Variants in TCF4 observed in about 807,000 individuals in gnomAD.
TCF4 encodes the protein transcription factor 4.
A neutral mutation model predicts 82.1 loss-of-function variants in TCF4; 3 were observed. The ratio of observed to expected loss-of-function variants is 0.04; its 90% CI spans 0.02 to 0.09. The LOEUF is 0.09. TCF4 is among the 10% of genes least tolerant of loss of function. TCF4 has a pLI of 1.00. For missense variants in TCF4, 518 were observed against 852.7 expected (o/e 0.61, Z 4.89); for synonymous variants, 276 against 309.6 (o/e 0.89, Z 1.14).
chr18:55,487,833 T>C (rs992717345), intron 3 of TCF4, among the ~76,000 whole-genome samples: 44 of 152,212 alleles, frequency 2.9e-4, no homozygotes, highest in African/African-American at 1.1e-3. Context: ...CTTGACTACC[T>C]GATATATAGT....
At chr18:55,549,625 C>T (rs1021171481) in intron 3 of TCF4, among the ~76,000 whole-genome samples, 3 of 152,152 alleles carry the variant, frequency 2.0e-5, no homozygotes, top group Non-Finnish European at 2.9e-5. Context: ...AACAGCATGG[C>T]GCTGTCAGGG....
At chr18:55,234,354 A>G in intron 16 of TCF4, 194 bp downstream of exon 16, 1 of 732,238 alleles carries the variant, frequency 1.4e-6, no homozygotes, top group South Asian at 1.9e-5. Flanking sequence ...ATGTTTGAGG[A>G]AAACAGTCCC....
intron 1 of TCF4, chr18:55,631,524 G>A (rs764355176): frequency 1.6e-5 from 12 of 763,730 alleles, no homozygotes; most frequent in South Asian, 2.2e-5. Context: ...GAAGACAAGT[G>A]CACAGAAACT....
At chr18:55,420,209 G>T (rs1029618586) in intron 5 of TCF4, among the ~76,000 whole-genome samples, 1 of 152,060 alleles carries the variant, frequency 6.6e-6, no homozygotes, top group East Asian at 1.9e-4. Flanking sequence ...TTTCAAAAAC[G>T]TTTCCCTAAA....
intron 3 of TCF4, among the ~76,000 whole-genome samples, chr18:55,530,319 AG>A (rs2097045874): frequency 6.6e-6 from 1 of 152,120 alleles, no homozygotes; most frequent in Non-Finnish European, 1.5e-5. Context: ...TAGAAAGAGT[AG>A]GGGGTTGGGA....
intron 8 of TCF4, among the ~76,000 whole-genome samples, chr18:55,344,704 G>T (rs2080782878): frequency 6.6e-6 from 1 of 152,074 alleles, no homozygotes; most frequent in Non-Finnish European, 1.5e-5. Context: ...ACACATTGGA[G>T]AGTAGGAAGA....
chr18:55,307,766 G>A (rs2070858490), intron 8 of TCF4, among the ~76,000 whole-genome samples: 1 of 152,150 alleles, frequency 6.6e-6, no homozygotes, highest in African/African-American at 2.4e-5. Flanking sequence ...CAAAATGATG[G>A]CTTACATATA....
intron 2 of TCF4, among the ~76,000 whole-genome samples, chr18:55,618,211 G>T (rs2097714117): frequency 6.6e-6 from 1 of 151,910 alleles, no homozygotes; most frequent in South Asian, 2.1e-4. Context: ...TTCATCTATT[G>T]AAATGATGAT....
At chr18:55,233,709 CCTGGGAGG>C (rs1043164016) in intron 16 of TCF4, among the ~76,000 whole-genome samples, 4 of 151,624 alleles carry the variant, frequency 2.6e-5, no homozygotes, top group East Asian at 1.9e-4. Flanking sequence ...CTAGCTACCC[CCTGGGAGG>C]CTGAGGCAGG....
At position 55,489,576 on chromosome 18, in the gene TCF4, G is replaced by A. The variant is rs183030882; in HGVS notation, c.146-25439C>T. 2.4e-4 allele frequency among the ~76,000 whole-genome samples: 36 copies of A among 152,086 alleles called. No individual in the cohort carries two copies. The East Asian group carries it at 6.6e-3, about 28-fold the overall frequency. On this transcript the variant is annotated intron_variant, in intron 3 of 19. Coordinates refer to ENST00000354452, the MANE Select transcript of TCF4 (RefSeq NM_001083962.2). ...AAGTACTGATAATCTGAACTCAGGA[G>A]GGGAAACTACCAAAAAAAATAGCTG...
At chr18:55,630,131 T>C (rs1235071990) in intron 2 of TCF4, among the ~76,000 whole-genome samples, 2 of 152,230 alleles carry the variant, frequency 1.3e-5, no homozygotes, top group African/African-American at 2.4e-5. Context: ...TAAAAATTAC[T>C]ATATCATTAA....
chr18:55,338,188 A>G (rs1233245705), intron 8 of TCF4, among the ~76,000 whole-genome samples: 4 of 152,128 alleles, frequency 2.6e-5, no homozygotes, highest in Non-Finnish European at 5.9e-5. Flanking sequence ...GGCAGCCAAA[A>G]AAAGCACTGC....
chr18:55,563,149 G>A (rs1489892555), intron 3 of TCF4, among the ~76,000 whole-genome samples: 2 of 151,224 alleles, frequency 1.3e-5, no homozygotes, highest in Non-Finnish European at 2.9e-5. Context: ...TGAGGTGGGA[G>A]GATCACCTGA....
intron 5 of TCF4, among the ~76,000 whole-genome samples, chr18:55,432,910 TA>T (rs2095243091): frequency 1.3e-5 from 2 of 152,186 alleles, no homozygotes; most frequent in Non-Finnish European, 2.9e-5. Context: ...TATCACTTAT[TA>T]AAAAATAATG....
chr18:55,322,869 CCT>C (rs1410553243), intron 8 of TCF4, among the ~76,000 whole-genome samples: 3 of 152,190 alleles, frequency 2.0e-5, no homozygotes, highest in Non-Finnish European at 4.4e-5. Flanking sequence ...CAAAGGCACC[CCT>C]GAGACCACAT....
At chr18:55,467,794 G>C (rs1221485722) in intron 3 of TCF4, among the ~76,000 whole-genome samples, 1 of 152,144 alleles carries the variant, frequency 6.6e-6, no homozygotes, top group Non-Finnish European at 1.5e-5. Context: ...TATTCCTTCT[G>C]CCTAAACTGT....
intron 3 of TCF4, among the ~76,000 whole-genome samples, chr18:55,494,957 C>T (rs1210843090): frequency 1.5e-5 from 2 of 135,988 alleles, no homozygotes; most frequent in South Asian, 5.2e-4. Flanking sequence ...GATAATGAAG[C>T]CTTTCTTTAA....
At chr18:55,477,710 C>A (rs941217038) in intron 3 of TCF4, among the ~76,000 whole-genome samples, 1 of 152,196 alleles carries the variant, frequency 6.6e-6, no homozygotes, top group Non-Finnish European at 1.5e-5. Flanking sequence ...GCTTCCCTTA[C>A]TTTCACTTTC....
At chr18:55,372,453 C>T (rs1236781796) in intron 6 of TCF4, among the ~76,000 whole-genome samples, 1 of 151,506 alleles carries the variant, frequency 6.6e-6, no homozygotes, top group East Asian at 1.9e-4. Flanking sequence ...TTTAGAGCTG[C>T]AAGGCAAGCC....
Sources: allele counts gnomAD v4.1 joint callset (sites outside exome capture counted in the v4.1 genomes callset), GRCh38; gene constraint gnomAD v4.1.1; transcripts MANE v1.5; gene names NCBI Gene and HGNC (gene_info 2026-07-23, HGNC 2026-07-21).